The following GRM4 variants were observed in gnomAD, a reference collection of about 807,000 sequenced individuals.
GRM4 encodes glutamate metabotropic receptor 4.
Under a neutral mutation model 81.7 loss-of-function variants are expected in GRM4, and 28 were observed. That is an observed-to-expected ratio of 0.34 (90% CI 0.25 to 0.47). The LOEUF (loss-of-function observed/expected upper bound fraction) is 0.47, where lower values mean the gene tolerates loss of function less well. Among genes scored for constraint, GRM4 ranks in the 20% least tolerant of loss-of-function variants. GRM4 has a pLI of 1.00. For missense variants in GRM4, 948 were observed against 1,290.0 expected, an observed-to-expected ratio of 0.73 and a Z score of 4.06; for synonymous variants, 488 against 528.8, an observed-to-expected ratio of 0.92 and a Z score of 1.06.
At chr6:34,055,840 T>C (rs1452381999) in intron 6 of GRM4, 1 of 152,246 alleles carries the variant, frequency 6.6e-6, no homozygotes, top group East Asian at 1.9e-4. Flanking sequence ...ATCTGTAAAA[T>C]GGCCCGATCA....
chr6:34,029,534 T>C (rs1194557040), intron 9 of GRM4, among the ~76,000 whole-genome samples: 2 of 152,162 alleles, frequency 1.3e-5, no homozygotes, highest in Non-Finnish European at 2.9e-5. Flanking sequence ...CTGGATGGGA[T>C]GACCTTCATT....
Position 34,019,106 on chromosome 6 carries a change from G to C in GRM4, c.*3715C>G, listed in dbSNP as rs980572652. The C allele has an allele frequency of 1.3e-5, 2 of 152,352 alleles. No homozygotes were observed. The highest frequency in any genetic ancestry group is 6.5e-5 in the Admixed American group (1 of 15,282). 9.4% of individuals were successfully genotyped at this position (152,352 alleles called of 1,614,324 possible). On this transcript the variant is annotated 3_prime_UTR_variant, in exon 11 of 11. Transcript: ENST00000538487. ...AGGCTGAGGCAGTGTGGGGGCAGCT[G>C]GCATGTGGCCCACTGAGACCTCTGT... is the stretch of plus-strand genomic sequence containing the variant.
rs547698166 is a variant in GRM4, at chr6:34,092,415, C to T, written c.520-316G>A. 1.3e-5 allele frequency among the ~76,000 whole-genome samples: 2 copies of T among 152,306 alleles called. No individual in the cohort carries two copies. The highest frequency in any genetic ancestry group is 3.9e-4 in the East Asian group (2 of 5,182). On this transcript the variant is annotated intron_variant, in intron 2 of 10. Coordinates refer to ENST00000538487, the MANE Select transcript of GRM4 (RefSeq NM_000841.4). This position sits in a 1 kb window ranked among gnomAD's most constrained non-coding sequence, Gnocchi z 6.8. ...TCAAAGATCCCAGCCCAGGGAAAATCCCCACATACGTGAGATGATTCAGCC... is the reference window on the plus strand; with the variant it reads ...TCAAAGATCCCAGCCCAGGGAAAATTCCCACATACGTGAGATGATTCAGCC...
In GRM4 at chr6:34,020,524, AC is replaced by A. The variant is rs1276608207; in HGVS notation, c.*2296del. 1.4e-4 allele frequency: 14 copies of A among 103,620 alleles called. No homozygotes were observed. The highest frequency in any genetic ancestry group is 4.7e-4 in the African/African-American group (13 of 27,412). The allele number at this position is 103,620 out of a possible 1,614,324, so 6.4% of individuals were successfully genotyped here. ...ACCCGCTTCTGCATTCCCCATCCCT[AC>A]CCCCCACCCCCCCACCCCCAACTGC... On this transcript the variant is annotated 3_prime_UTR_variant, in exon 11 of 11. Transcript: ENST00000538487.
intron 2 of GRM4, among the ~76,000 whole-genome samples, chr6:34,096,720 C>T (rs1404463033): frequency 2.6e-5 from 4 of 152,222 alleles, no homozygotes; most frequent in African/African-American, 9.6e-5. Flanking sequence ...AGTGTGCCTG[C>T]AGCCACCACC....
At chr6:34,127,765 T>C (rs2127508064) in intron 2 of GRM4, among the ~76,000 whole-genome samples, 1 of 152,146 alleles carries the variant, frequency 6.6e-6, no homozygotes, top group East Asian at 1.9e-4. Context: ...AGAAAGACGG[T>C]GGTCAAAAAT....
In GRM4 at chr6:34,071,721, TCAC is replaced by T. The variant is rs754787572; in HGVS notation, c.737-9696_737-9694del. Among the ~76,000 whole-genome samples, 70 of 107,908 alleles carry T rather than the reference TCAC, an allele frequency of 6.5e-4. 1 individual carries two copies. The East Asian group carries it at 0.02, about 30-fold the overall frequency. The allele number at this position is 107,908 out of a possible 152,430, so 70.8% of individuals were successfully genotyped here. Reference sequence around the variant, plus strand: ...CACAGATACACACCATGCACACACATCACCACACAGATATAAACCACACACAAC... The same window carrying T: ...CACAGATACACACCATGCACACACATCACACAGATATAAACCACACACAAC... On this transcript the variant is annotated intron_variant, in intron 3 of 10. Transcript: ENST00000538487.
chr6:34,136,563 G>C lies in GRM4; in HGVS notation c.-363-2704C>G, dbSNP rs1217993649. Among the ~76,000 whole-genome samples, 2 of 142,430 alleles carry C rather than the reference G, an allele frequency of 1.4e-5. No homozygotes were observed. Among genetic ancestry groups the C allele is most frequent in the Admixed American group, 6.9e-5 (1 of 14,502 alleles). 93.4% of individuals were successfully genotyped at this position (142,430 alleles called of 152,430 possible). A position where few individuals can be genotyped will look rare whatever the true frequency, so the allele number is the denominator to read the frequency against. The stretch of plus-strand genomic sequence containing the variant: ...GCTGAGCAGTGCATGCGCGCGTGCG[G>C]ACACACACACACACACACACACACA... On this transcript the variant is annotated intron_variant, in intron 1 of 10. Transcript: ENST00000538487. This position sits in a 1 kb window ranked among gnomAD's most constrained non-coding sequence, Gnocchi z 4.1.
At chr6:34,155,006 G>T (rs1041944137) in intron 1 of GRM4, 2 of 1,238,384 alleles carry the variant, frequency 1.6e-6, no homozygotes, top group East Asian at 2.7e-5. Flanking sequence ...CCCAGTCTAC[G>T]CCTCCCACAG....
Position 34,115,566 on chromosome 6 carries a change from A to G in GRM4, c.519+17412T>C, listed in dbSNP as rs905600187. 4.6e-5 allele frequency among the ~76,000 whole-genome samples: 7 copies of G among 152,178 alleles called. No individual in the cohort carries two copies. The highest frequency in any genetic ancestry group is 1.7e-4 in the African/African-American group (7 of 41,432). On this transcript the variant is annotated intron_variant, in intron 2 of 10. Transcript: ENST00000538487. The surrounding 1 kb of genome is among the most constrained non-coding windows in gnomAD (Gnocchi z 4.1). ...CAGCAGCCTCCAGGGGTCTGCCCGA[A>G]GACACTCGGCAAACCTTTCAGGCCT...
At chr6:34,053,588 T>G (rs2127456842) in intron 6 of GRM4, among the ~76,000 whole-genome samples, 1 of 152,334 alleles carries the variant, frequency 6.6e-6, no homozygotes, top group African/African-American at 2.4e-5. Context: ...CCTGCCCTTT[T>G]GCTCATGCCT....
At position 34,124,362 on chromosome 6, in the gene GRM4, C is replaced by G. The variant is rs749139432; in HGVS notation, c.519+8616G>C. 2.0e-5 allele frequency among the ~76,000 whole-genome samples: 3 copies of G among 152,244 alleles called. No homozygotes were observed. The South Asian group carries it at 6.2e-4, about 32-fold the overall frequency. ...TCTGAACAAGGCCCCCCCACCAACC[C>G]TGCCTAGACTGACATTCCCTCCCAT... is the stretch of plus-strand genomic sequence containing the variant. On this transcript the variant is annotated intron_variant, in intron 2 of 10. Transcript: ENST00000538487.
chr6:34,085,064 G>A (rs1767815770), intron 3 of GRM4, among the ~76,000 whole-genome samples: 1 of 152,206 alleles, frequency 6.6e-6, no homozygotes, highest in Admixed American at 6.5e-5. Context: ...GCCTGTCTCT[G>A]TCTCACGCTG....
intron 3 of GRM4, among the ~76,000 whole-genome samples, chr6:34,077,650 C>T (rs548695877): frequency 4.9e-4 from 74 of 152,228 alleles, no homozygotes; most frequent in African/African-American, 1.4e-3. Flanking sequence ...CCTCCTCTCC[C>T]ACCCCCAACT....
At position 34,131,956 on chromosome 6, in the gene GRM4, T is replaced by TGCACAAACACACACACATGC. The variant is rs1770254336; in HGVS notation, c.519+1002_519+1021dup. Among the ~76,000 whole-genome samples, 4 of 150,242 alleles carry TGCACAAACACACACACATGC rather than the reference T, an allele frequency of 2.7e-5. No homozygotes were observed. In the South Asian group the frequency reaches 8.4e-4, roughly 32 times the overall value. ...CCTCCCCTCCCTACACACACAAACA[T>TGCACAAACACACACACATGC]GCACAAACACACACACATGCACACA... On this transcript the variant is annotated intron_variant, in intron 2 of 10. Transcript: ENST00000538487.
At chr6:34,071,377 A>G (rs1380546434) in intron 3 of GRM4, among the ~76,000 whole-genome samples, 2 of 90,358 alleles carry the variant, frequency 2.2e-5, no homozygotes, top group South Asian at 4.2e-4. Flanking sequence ...CCACACACAT[A>G]CACACCACAC....
At chr6:34,095,287 T>C (rs950890579) in intron 2 of GRM4, among the ~76,000 whole-genome samples, 8 of 152,158 alleles carry the variant, frequency 5.3e-5, no homozygotes, top group Admixed American at 5.2e-4. Context: ...CCTCCTGCGA[T>C]GTGTCCACCT....
chr6:34,049,136 T>C (rs1251984946), intron 6 of GRM4, among the ~76,000 whole-genome samples: 1 of 151,032 alleles, frequency 6.6e-6, no homozygotes, highest in African/African-American at 2.4e-5. Context: ...CTCTGCTCAC[T>C]GTCATCAGTT....
rs1352815482 is a variant in GRM4, at chr6:34,019,048, T to C, written c.*3773A>G. 6.6e-6 allele frequency: 1 copy of C among 151,664 alleles called. No individual in the cohort carries two copies. Among genetic ancestry groups the C allele is most frequent in the Non-Finnish European group, 1.5e-5 (1 of 68,094 alleles). 9.4% of individuals were successfully genotyped at this position (151,664 alleles called of 1,614,324 possible). A position where few individuals can be genotyped will look rare whatever the true frequency, so the allele number is the denominator to read the frequency against. The stretch of plus-strand genomic sequence containing the variant: ...AGCCTTATGCAGGCTCAGCATCTTC[T>C]CAGGGGCTCCCCAGGACCCCTTGGA... On this transcript the variant is annotated 3_prime_UTR_variant, in exon 11 of 11. Coordinates refer to ENST00000538487, the MANE Select transcript of GRM4 (RefSeq NM_000841.4).
Sources: gnomAD v4.1 joint callset for allele counts (sites outside exome capture counted in the v4.1 genomes callset) on GRCh38, gnomAD v4.1.1 for gene constraint, Gnocchi (gnomAD v3.1) non-coding constraint, MANE v1.5 for transcripts, NCBI Gene and HGNC (gene_info 2026-07-23, HGNC 2026-07-21) for gene names.